ULK4: variants seen among roughly 807,000 people sequenced by gnomAD.
ULK4 encodes unc-51 like kinase 4.
In ULK4, 133 loss-of-function variants were observed where a neutral mutation model predicts 160.6. The observed-to-expected ratio is 0.83, with a 90% CI of 0.72 to 0.96. The LOEUF (loss-of-function observed/expected upper bound fraction) is 0.96, where lower values mean the gene tolerates loss of function less well. Ranked by LOEUF, ULK4 falls within the 40% of genes least tolerant of loss-of-function variation. The pLI, the probability that ULK4 is intolerant of heterozygous loss-of-function variation, is 0.00. For synonymous variants in ULK4, 534 were observed against 539.8 expected (o/e 0.99, Z 0.15); for missense variants, 1,580 against 1,499.5 (o/e 1.05, Z -0.89).
At chr3:41,639,418 T>C (rs536146909) in intron 30 of ULK4, among the ~76,000 whole-genome samples, 3 of 152,234 alleles carry the variant, frequency 2.0e-5, no homozygotes, top group East Asian at 3.9e-4. Flanking sequence ...TTGTAAACTC[T>C]AGTCAAACAA....
chr3:41,582,047 T>C (rs1349022218), intron 31 of ULK4, among the ~76,000 whole-genome samples: 1 of 152,132 alleles, frequency 6.6e-6, no homozygotes. Context: ...CCAAATCTCA[T>C]CTTGAATTGT....
chr3:41,884,179 C>T (rs1349739883), intron 16 of ULK4, among the ~76,000 whole-genome samples: 2 of 151,840 alleles, frequency 1.3e-5, no homozygotes, highest in African/African-American at 2.4e-5. Flanking sequence ...ACTGCAACAG[C>T]GACAAAATTT....
chr3:41,306,647 G>A (rs1438516058), intron 35 of ULK4, among the ~76,000 whole-genome samples: 10 of 151,706 alleles, frequency 6.6e-5, no homozygotes, highest in Middle Eastern at 3.4e-3. Flanking sequence ...TGGGAGGTGT[G>A]CCCAACAGCT....
chr3:41,641,036 T>C lies in ULK4; in HGVS notation c.3071+22571A>G, dbSNP rs575470868. Among the ~76,000 whole-genome samples, 6 of 152,324 alleles carry C rather than the reference T, an allele frequency of 3.9e-5. No homozygotes were observed. In the East Asian group the frequency reaches 1.2e-3, roughly 29 times the overall value. On this transcript the variant is annotated intron_variant, in intron 30 of 36. Coordinates refer to ENST00000301831, the MANE Select transcript of ULK4 (RefSeq NM_017886.4). The stretch of plus-strand genomic sequence containing the variant: ...ATGGTCAAGGCTTTGCTCTAATCAC[T>C]GCAGTTATAAGATGCATTGAGTTTG...
intron 1 of ULK4, 89 bp from the exon 2 acceptor site, chr3:41,954,896 G>T: frequency 1.2e-6 from 1 of 812,680 alleles, no homozygotes; most frequent in Non-Finnish European, 1.8e-6. Context: ...TATTATATGT[G>T]TAAAAAATCT....
intron 30 of ULK4, among the ~76,000 whole-genome samples, chr3:41,648,597 A>G (rs1388391543): frequency 6.6e-6 from 1 of 152,184 alleles, no homozygotes; most frequent in Non-Finnish European, 1.5e-5. Flanking sequence ...TCAATCACCC[A>G]GTCAGCACCA....
intron 35 of ULK4, among the ~76,000 whole-genome samples, chr3:41,305,499 G>T (rs1192440839): frequency 1.3e-5 from 2 of 152,258 alleles, no homozygotes; most frequent in African/African-American, 4.8e-5. Context: ...CGGGATTGCA[G>T]ACGGAGTCTC....
chr3:41,498,256 A>G (rs1172301337), intron 32 of ULK4, among the ~76,000 whole-genome samples: 4 of 152,242 alleles, frequency 2.6e-5, no homozygotes, highest in Non-Finnish European at 5.9e-5. Context: ...AAGTATCTAG[A>G]AAATCCTCAA....
chr3:41,417,765 G>A (rs2082560915), intron 34 of ULK4, among the ~76,000 whole-genome samples: 1 of 152,116 alleles, frequency 6.6e-6, no homozygotes, highest in Non-Finnish European at 1.5e-5. Context: ...CTTGACTATG[G>A]ACAGTCATAT....
intron 32 of ULK4, among the ~76,000 whole-genome samples, chr3:41,501,641 C>T (rs577782900): frequency 6.5e-4 from 99 of 152,144 alleles, no homozygotes; most frequent in Non-Finnish European, 1.2e-3. Context: ...TAACTATCAC[C>T]TCACATACAT....
intron 30 of ULK4, among the ~76,000 whole-genome samples, chr3:41,642,491 C>T (rs918228764): frequency 9.9e-5 from 15 of 152,144 alleles, no homozygotes; most frequent in Non-Finnish European, 1.6e-4. Flanking sequence ...TTTCCAATTT[C>T]ATCCATGTCC....
intron 27 of ULK4, among the ~76,000 whole-genome samples, chr3:41,698,904 T>C (rs1490598160): frequency 6.6e-6 from 1 of 152,218 alleles, no homozygotes; most frequent in Non-Finnish European, 1.5e-5. Flanking sequence ...TATTTCGTAT[T>C]TGTTAACTTT....
At chr3:41,377,871 T>C (rs2081544098) in intron 35 of ULK4, among the ~76,000 whole-genome samples, 1 of 149,688 alleles carries the variant, frequency 6.7e-6, no homozygotes, top group African/African-American at 2.5e-5. Flanking sequence ...ATCCCATTAC[T>C]GGGTATATAC....
chr3:41,643,155 G>C (rs2125721338), intron 30 of ULK4, among the ~76,000 whole-genome samples: 1 of 152,238 alleles, frequency 6.6e-6, no homozygotes, highest in East Asian at 1.9e-4. Flanking sequence ...TGTTCACTCT[G>C]ACGGTAGTTT....
At chr3:41,648,586 C>T (rs17213434) in intron 30 of ULK4, among the ~76,000 whole-genome samples, 9,762 of 152,238 alleles carry the variant, frequency 0.064, 484 homozygotes, top group Admixed American at 0.14. Flanking sequence ...TTAGCCTACC[C>T]TCAATCACCC....
chr3:41,849,888 G>A lies in ULK4; in HGVS notation c.1657-13917C>T, dbSNP rs191004291. 9.8e-4 allele frequency among the ~76,000 whole-genome samples: 149 copies of A among 152,208 alleles called. 1 individual carries two copies. The highest frequency in any genetic ancestry group is 3.4e-3 in the African/African-American group (142 of 41,522). ...GCAGGTTTGTTACATATGTATACAT[G>A]TGACATGTTGGTATGCTGCACCCAT... On this transcript the variant is annotated intron_variant, in intron 17 of 36. Coordinates refer to ENST00000301831, the MANE Select transcript of ULK4 (RefSeq NM_017886.4).
rs1699019679 is a variant in ULK4, at chr3:41,917,779, AGACCAGCCT to A, written c.727+669_727+677del. On this transcript the variant is annotated intron_variant, in intron 7 of 36. Transcript: ENST00000301831. The stretch of plus-strand genomic sequence containing the variant: ...GGTGGATCATGACATCAGGAGTTTG[AGACCAGCCT>A]GGCCAAGATGGTGAAACCCCGTCTC... Among the ~76,000 whole-genome samples, 3 of 152,206 alleles carry A rather than the reference AGACCAGCCT, an allele frequency of 2.0e-5. No individual in the cohort carries two copies. The East Asian group carries it at 5.8e-4, about 29-fold the overall frequency.
At chr3:41,420,041 C>T (rs566958612) in intron 34 of ULK4, among the ~76,000 whole-genome samples, 40 of 151,828 alleles carry the variant, frequency 2.6e-4, no homozygotes, top group African/African-American at 9.2e-4. Context: ...TCTTCATTAA[C>T]GTAAGTTTAT....
intron 32 of ULK4, among the ~76,000 whole-genome samples, chr3:41,492,146 G>C (rs1274530778): frequency 6.6e-6 from 1 of 150,408 alleles, no homozygotes; most frequent in African/African-American, 2.4e-5. Flanking sequence ...GGACATTTGG[G>C]TCGGGTCCAA....
Sources: allele counts gnomAD v4.1 joint callset (sites outside exome capture counted in the v4.1 genomes callset), GRCh38; gene constraint gnomAD v4.1.1; transcripts MANE v1.5; gene names NCBI Gene and HGNC (gene_info 2026-07-23, HGNC 2026-07-21).